The following ZNF546 variants were observed in gnomAD, a reference collection of about 807,000 sequenced individuals.
The protein encoded by ZNF546 is CTC-471F3.6.
A neutral mutation model predicts 76.2 loss-of-function variants in ZNF546; 60 were observed. The ratio of observed to expected loss-of-function variants is 0.79; its 90% confidence interval spans 0.64 to 0.98. The LOEUF is 0.98. ZNF546 is among the 50% of genes least tolerant of loss of function. The pLI, the probability that ZNF546 is intolerant of heterozygous loss-of-function variation, is 0.00. For missense variants in ZNF546, 936 were observed against 1,035.6 expected (o/e 0.90, Z 1.32); for synonymous variants, 277 against 328.1 (o/e 0.84, Z 1.68).
chr19:40,003,105 G>A (rs917755359), intron 3 of ZNF546, among the ~76,000 whole-genome samples: 8 of 146,460 alleles, frequency 5.5e-5, no homozygotes, highest in African/African-American at 2.0e-4. Context: ...GTGCAATCTC[G>A]GCTCACTGCA....
At position 40,013,918 on chromosome 19, in the gene ZNF546, A is replaced by G. The variant is rs1292022177; in HGVS notation, c.648A>G (p.Ser216=). 6.2e-7 allele frequency: 1 copy of G among 1,608,484 alleles called. No individual in the cohort carries two copies. The highest frequency in any genetic ancestry group is 1.1e-5 in the South Asian group (1 of 90,124). The part of the protein sequence containing the change: ...LHPKIHAREK[S]YECKECRKAF... ...CAAAAATTCATGCTAGAGAGAAATC[A>G]TATGAATGTAAGGAATGTAGAAAGG... Residue 216 remains serine (S), a synonymous_variant, in exon 7 of 7, where the codon TCA becomes TCG. Coordinates refer to ENST00000347077, the MANE Select transcript of ZNF546 (RefSeq NM_178544.5).
intron 3 of ZNF546, among the ~76,000 whole-genome samples, chr19:40,001,452 TC>T (rs1568383664): frequency 1.3e-5 from 2 of 151,912 alleles, no homozygotes. Context: ...AACCTCTGCC[TC>T]CCAGGTTCAA....
chr19:40,015,007 C>A lies in ZNF546; in HGVS notation c.1737C>A (p.Ser579Arg). 1 of 1,613,574 alleles carries A rather than the reference C, an allele frequency of 6.2e-7. No homozygotes were observed. Among genetic ancestry groups the A allele is most frequent in the Non-Finnish European group, 8.5e-7 (1 of 1,179,856 alleles). ...ACCAGCGAATTCACACCAGTGAGAG[C>A]ACCTACATATGTAAAGAATGTGGGA... The part of the protein sequence containing the change: ...ISHQRIHTSE[S>R]TYICKECGKI... Residue 579 changes from serine to arginine, a missense_variant, in exon 7 of 7, where the codon AGC becomes AGA. Transcript: ENST00000347077.
intron 6 of ZNF546, among the ~76,000 whole-genome samples, chr19:40,008,969 T>C (rs1389470660): frequency 6.6e-6 from 1 of 152,200 alleles, no homozygotes; most frequent in African/African-American, 2.4e-5. Context: ...TAGGCACTAC[T>C]GATAGACACT....
chr19:39,998,996 C>T (rs2144634328), intron 3 of ZNF546, among the ~76,000 whole-genome samples: 1 of 152,330 alleles, frequency 6.6e-6, no homozygotes, highest in Admixed American at 6.5e-5. Flanking sequence ...TGGTCTGGAA[C>T]TCCTGACCTC....
At chr19:40,004,536 T>C (rs952181742) in intron 3 of ZNF546, among the ~76,000 whole-genome samples, 5 of 152,196 alleles carry the variant, frequency 3.3e-5, no homozygotes, top group East Asian at 1.9e-4. Flanking sequence ...CCCAGCGTGC[T>C]AGGATTACAG....
intron 3 of ZNF546, among the ~76,000 whole-genome samples, chr19:40,003,836 AC>A (rs767560085): frequency 2.9e-4 from 44 of 151,704 alleles, no homozygotes; most frequent in Admixed American, 5.9e-4. Context: ...ACATGGCGAA[AC>A]CCTGTCTCTA....
intron 4 of ZNF546, 42 bp downstream of exon 4, chr19:40,006,224 A>T: frequency 1.3e-6 from 2 of 1,548,814 alleles, no homozygotes; most frequent in Non-Finnish European, 1.8e-6. Flanking sequence ...GTGTTTTTAA[A>T]TTCATGTGAT....
Position 40,018,531 on chromosome 19 carries a change from T to C in ZNF546, c.*2750T>C, listed in dbSNP as rs1338745884. 2.6e-5 allele frequency: 4 copies of C among 152,246 alleles called. No homozygotes were observed. The highest frequency in any genetic ancestry group is 9.6e-5 in the African/African-American group (4 of 41,474). The allele number at this position is 152,246 out of a possible 1,614,324, so 9.4% of individuals were successfully genotyped here. Reference sequence around the variant, plus strand: ...CAATATATCCCATTCTGCATGTTCATCTTACAATGTGATACCAACACTCCC... The same window carrying C: ...CAATATATCCCATTCTGCATGTTCACCTTACAATGTGATACCAACACTCCC... On this transcript the variant is annotated 3_prime_UTR_variant, in exon 7 of 7. Coordinates refer to ENST00000347077, the MANE Select transcript of ZNF546 (RefSeq NM_178544.5).
In ZNF546 at chr19:40,015,668, A is replaced by T; in HGVS notation, c.2398A>T (p.Thr800Ser). The T allele has an allele frequency of 1.9e-6, 3 of 1,614,230 alleles. No homozygotes were observed. The highest frequency in any genetic ancestry group is 2.5e-6 in the Non-Finnish European group (3 of 1,180,034). Residue 800 changes from threonine (T) to serine (S), a missense_variant, in exon 7 of 7, where the codon ACT becomes TCT. Coordinates refer to ENST00000347077, the MANE Select transcript of ZNF546 (RefSeq NM_178544.5). ...SELTRHHRIH[T>S]GEKPYQCKEC... Reference sequence around the variant, plus strand: ...ACTTACTCGACATCACAGAATTCATACTGGTGAAAAACCCTATCAATGTAA... The same window carrying T: ...ACTTACTCGACATCACAGAATTCATTCTGGTGAAAAACCCTATCAATGTAA...
chr19:40,010,513 T>C (rs1971658396), intron 6 of ZNF546, among the ~76,000 whole-genome samples: 1 of 152,138 alleles, frequency 6.6e-6, no homozygotes, highest in South Asian at 2.1e-4. Context: ...GTATGGTCAG[T>C]CTTTTAAATT....
chr19:39,998,773 A>AT (rs543046847), intron 3 of ZNF546, among the ~76,000 whole-genome samples: 7 of 151,562 alleles, frequency 4.6e-5, no homozygotes, highest in African/African-American at 2.4e-5. Flanking sequence ...ATAATACGCA[A>AT]TTTTTTTTTC....
chr19:40,005,009 CTTTTTT>C (rs752081163), intron 3 of ZNF546, among the ~76,000 whole-genome samples: 2 of 86,842 alleles, frequency 2.3e-5, no homozygotes, highest in Non-Finnish European at 4.3e-5. Flanking sequence ...CTGCATGCAT[CTTTTTT>C]TTTTTTTTTT....
chr19:40,000,718 T>C (rs555636300), intron 3 of ZNF546, among the ~76,000 whole-genome samples: 1 of 152,208 alleles, frequency 6.6e-6, no homozygotes, highest in East Asian at 1.9e-4. Flanking sequence ...AGAACAAGAT[T>C]GAACCTCATA....
chr19:40,000,495 C>T lies in ZNF546; in HGVS notation c.84+2085C>T, dbSNP rs148051475. ...AAAATTAGCCGGCTGTGGTGGCATG[C>T]GCTTGTAATCCCAGCTGCTTGGGAG... On this transcript the variant is annotated intron_variant, in intron 3 of 6. Coordinates refer to ENST00000347077, the MANE Select transcript of ZNF546 (RefSeq NM_178544.5). Among the ~76,000 whole-genome samples, 96 of 151,388 alleles carry T rather than the reference C, an allele frequency of 6.3e-4. No individual in the cohort carries two copies. The East Asian group carries it at 8.6e-3, about 14-fold the overall frequency.
rs572702979 is a variant in ZNF546, at chr19:40,015,586, G to A, written c.2316G>A (p.Thr772=). 133 of 1,612,674 alleles carry A rather than the reference G, an allele frequency of 8.2e-5. No homozygotes were observed. In the South Asian group the frequency reaches 1.1e-3, roughly 14 times the overall value. ...TTACTCGACATCACATAGTTCACACGGGTGAGAAACCCTATAAATGTAAAG... is the reference window on the plus strand; with the variant it reads ...TTACTCGACATCACATAGTTCACACAGGTGAGAAACCCTATAAATGTAAAG... The part of the protein sequence containing the change: ...AELTRHHIVH[T]GEKPYKCKEC... Residue 772 remains threonine (T), a synonymous_variant, in exon 7 of 7, where the codon ACG becomes ACA. Transcript: ENST00000347077.
chr19:40,002,713 T>C (rs1047200436), intron 3 of ZNF546, among the ~76,000 whole-genome samples: 3 of 151,816 alleles, frequency 2.0e-5, no homozygotes, highest in Non-Finnish European at 4.4e-5. Flanking sequence ...TTTTTTTTTT[T>C]TGTCGAGATA....
At position 40,019,944 on chromosome 19, in the gene ZNF546, C is replaced by CTTAAA. The variant is rs1971833026; in HGVS notation, c.*4167_*4168insATTAA. ...ATTGGATATGATAATTTCCTCAATGCTTAACACTGAGCACAATTTTTCACA... is the reference window on the plus strand; with the variant it reads ...ATTGGATATGATAATTTCCTCAATGCTTAAATTAACACTGAGCACAATTTTTCACA... On this transcript the variant is annotated 3_prime_UTR_variant, in exon 7 of 7. Transcript: ENST00000347077. The CTTAAA allele has an allele frequency of 6.6e-6, 1 of 152,106 alleles. No individual in the cohort carries two copies. The highest frequency in any genetic ancestry group is 2.4e-5 in the African/African-American group (1 of 41,422). 9.4% of individuals were successfully genotyped at this position (152,106 alleles called of 1,614,324 possible). A position where few individuals can be genotyped will look rare whatever the true frequency, so the allele number is the denominator to read the frequency against.
intron 3 of ZNF546, among the ~76,000 whole-genome samples, chr19:40,004,716 A>ATGTG (rs1042650439): frequency 6.6e-6 from 1 of 150,806 alleles, no homozygotes; most frequent in Non-Finnish European, 1.5e-5. Flanking sequence ...TTCTTTATGT[A>ATGTG]TGTGTGTGTG....
Sources: allele counts gnomAD v4.1 joint callset (sites outside exome capture counted in the v4.1 genomes callset), GRCh38; gene constraint gnomAD v4.1.1; transcripts MANE v1.5; gene names NCBI Gene and HGNC (gene_info 2026-07-23, HGNC 2026-07-21).